Variants in EVC observed in about 807,000 individuals in gnomAD.
EVC encodes evC complex member EVC.
Under a neutral mutation model 118.9 loss-of-function variants are expected in EVC, and 116 were observed. The observed-to-expected ratio is 0.98, with a 90% CI of 0.84 to 1.14. The LOEUF (loss-of-function observed/expected upper bound fraction) is 1.14. EVC is among the 50% of genes most tolerant of loss of function. The pLI, the probability that EVC is intolerant of heterozygous loss-of-function variation, is 0.00. For synonymous variants in EVC, 619 were observed against 534.7 expected (o/e 1.16, Z -2.18); for missense variants, 1,401 against 1,246.4 (o/e 1.12, Z -1.87).
downstream of EVC, among the ~76,000 whole-genome samples, chr4:5,816,658 T>TC (rs1163228903): frequency 1.4e-4 from 16 of 110,566 alleles, no homozygotes; most frequent in African/African-American, 5.1e-4. Flanking sequence ...CTTCCCTCCC[T>TC]CCTTCCCCTC....
intron 8 of EVC, among the ~76,000 whole-genome samples, chr4:5,751,367 G>A (rs562007107): frequency 6.6e-6 from 1 of 152,066 alleles, no homozygotes; most frequent in African/African-American, 2.4e-5. Flanking sequence ...TAAGCACATC[G>A]ATTGCACCAC....
chr4:5,827,673 CACGT>C, the EVC span, among the ~76,000 whole-genome samples: 14 of 151,984 alleles, frequency 9.2e-5, no homozygotes, highest in African/African-American at 2.9e-4. Context: ...CACACATACA[CACGT>C]GCATGCATGT....
chr4:5,716,175 C>T (rs1723931537), intron 1 of EVC, among the ~76,000 whole-genome samples: 1 of 152,216 alleles, frequency 6.6e-6, no homozygotes, highest in Non-Finnish European at 1.5e-5. Context: ...GCCAGGAGGA[C>T]TAGGCAGCTC....
chr4:5,816,021 C>T (rs895401090), downstream of EVC, among the ~76,000 whole-genome samples: 1 of 152,138 alleles, frequency 6.6e-6, no homozygotes, highest in Non-Finnish European at 1.5e-5. Flanking sequence ...TATTTTCCCC[C>T]CATGGCTTAT....
chr4:5,811,016 A>G lies in EVC; in HGVS notation c.2958A>G (p.Leu986=). The change falls in exon 21 of 21, where the codon CTA becomes CTG. Residue 986 remains leucine, a synonymous_variant. Transcript: ENST00000264956. The part of the protein sequence containing the change: ...AGDSGNSKKM[L]KRRSNL ...ACAGTGGGAACTCAAAGAAGATGCT[A>G]AAGAGAAGAAGCAACTTGTAGTTTA... 6.2e-7 allele frequency: 1 copy of G among 1,612,542 alleles called. No homozygotes were observed. Among genetic ancestry groups the G allele is most frequent in the African/African-American group, 1.3e-5 (1 of 74,986 alleles).
intron 17 of EVC, 66 bp from the exon 18 acceptor site, chr4:5,808,135 C>CAG: frequency 1.9e-6 from 1 of 515,902 alleles, no homozygotes; most frequent in Non-Finnish European, 3.7e-6. Flanking sequence ...TTCCTTCTCC[C>CAG]TCCCTCCCTC....
intron 1 of EVC, among the ~76,000 whole-genome samples, chr4:5,717,046 C>T (rs577264844): frequency 2.6e-5 from 4 of 152,246 alleles, no homozygotes; most frequent in South Asian, 4.1e-4. Flanking sequence ...TTCTTGATTT[C>T]TTTGATGATT....
In EVC at chr4:5,737,933, T is replaced by C. The variant is rs188363975; in HGVS notation, c.703-3783T>C. 2.6e-5 allele frequency among the ~76,000 whole-genome samples: 4 copies of C among 152,358 alleles called. No homozygotes were observed. The highest frequency in any genetic ancestry group is 6.5e-5 in the Admixed American group (1 of 15,310). ...TTCCTAAGGCTCTAACTGCCATACATAGTGATTCCTCTGAAGGATTTGAAC... is the reference window on the plus strand; with the variant it reads ...TTCCTAAGGCTCTAACTGCCATACACAGTGATTCCTCTGAAGGATTTGAAC... On this transcript the variant is annotated intron_variant, in intron 5 of 20. Coordinates refer to ENST00000264956, the MANE Select transcript of EVC (RefSeq NM_153717.3). This position sits in a 1 kb window ranked among gnomAD's most constrained non-coding sequence, Gnocchi z 5.0.
intron 5 of EVC, among the ~76,000 whole-genome samples, chr4:5,740,303 T>C (rs537403656): frequency 3.6e-4 from 55 of 152,052 alleles, no homozygotes; most frequent in African/African-American, 1.3e-3. Flanking sequence ...AAACCTCGTC[T>C]CTACTAAAAA....
chr4:5,714,077 C>T (rs148727869), intron 1 of EVC, among the ~76,000 whole-genome samples: 3 of 152,238 alleles, frequency 2.0e-5, no homozygotes, highest in Non-Finnish European at 4.4e-5. Context: ...CACTTCTGCA[C>T]ATCTGTTCTC....
At chr4:5,777,537 A>T (rs1734884441) in intron 11 of EVC, among the ~76,000 whole-genome samples, 1 of 152,084 alleles carries the variant, frequency 6.6e-6, no homozygotes, top group South Asian at 2.1e-4. Context: ...GCCCCTCCAG[A>T]TGTGTCTTCT....
Position 5,742,730 on chromosome 4 carries a change from C to T in EVC, c.801+916C>T, listed in dbSNP as rs1209353327. 6.6e-6 allele frequency among the ~76,000 whole-genome samples: 1 copy of T among 152,140 alleles called. No individual in the cohort carries two copies. The highest frequency in any genetic ancestry group is 6.5e-5 in the Admixed American group (1 of 15,274). On this transcript the variant is annotated intron_variant, in intron 6 of 20. Coordinates refer to ENST00000264956, the MANE Select transcript of EVC (RefSeq NM_153717.3). This position sits in a 1 kb window ranked among gnomAD's most constrained non-coding sequence, Gnocchi z 5.2. ...ATCACCGCCATCATCATCTTCATTACCACCATAATCATCATCACCATCCTT... is the reference window on the plus strand; with the variant it reads ...ATCACCGCCATCATCATCTTCATTATCACCATAATCATCATCACCATCCTT...
intron 8 of EVC, among the ~76,000 whole-genome samples, chr4:5,751,326 C>A (rs899694): frequency 0.32 from 48,200 of 151,970 alleles, 8,153 homozygotes; most frequent in Admixed American, 0.43. Flanking sequence ...CTTCTCACGC[C>A]ACTCTCTCCA....
At chr4:5,775,198 G>T (rs961635833) in intron 11 of EVC, among the ~76,000 whole-genome samples, 1 of 152,090 alleles carries the variant, frequency 6.6e-6, no homozygotes, top group Non-Finnish European at 1.5e-5. Flanking sequence ...ATTCTCAGAG[G>T]CTAGAAAATA....
At chr4:5,758,058 C>G (rs1305113458) in intron 11 of EVC, 1 of 702,314 alleles carries the variant, frequency 1.4e-6, no homozygotes, top group East Asian at 2.7e-5. Flanking sequence ...GGCCCTAATT[C>G]TAATGGCTGG....
chr4:5,773,124 A>G (rs1734235855), intron 11 of EVC, among the ~76,000 whole-genome samples: 1 of 152,144 alleles, frequency 6.6e-6, no homozygotes, highest in Non-Finnish European at 1.5e-5. Context: ...GTGCCAGGAG[A>G]CATTTGCAAA....
In EVC at chr4:5,743,509, A is replaced by T. The variant is rs1279571947; in HGVS notation, c.801+1695A>T. On this transcript the variant is annotated intron_variant, in intron 6 of 20. Transcript: ENST00000264956. The surrounding 1 kb of genome is among the most constrained non-coding windows in gnomAD (Gnocchi z 4.7). ...CATCATCACCATCTTCATCAGCACCACCATCACCACCTTTATCATCTTTCC... is the reference window on the plus strand; with the variant it reads ...CATCATCACCATCTTCATCAGCACCTCCATCACCACCTTTATCATCTTTCC... Among the ~76,000 whole-genome samples, 1 of 152,114 alleles carries T rather than the reference A, an allele frequency of 6.6e-6. No individual in the cohort carries two copies. The highest frequency in any genetic ancestry group is 1.5e-5 in the Non-Finnish European group (1 of 68,018).
the EVC span, among the ~76,000 whole-genome samples, chr4:5,823,784 G>A: frequency 8.0e-5 from 12 of 150,772 alleles, no homozygotes; most frequent in African/African-American, 1.7e-4. Flanking sequence ...CTGCAGAGCC[G>A]TGAGCCAAGT....
intron 11 of EVC, among the ~76,000 whole-genome samples, chr4:5,776,776 A>G (rs1170194577): frequency 6.6e-6 from 1 of 152,096 alleles, no homozygotes; most frequent in Non-Finnish European, 1.5e-5. Context: ...CTGCACCTAA[A>G]CTGCTATTAA....
Sources: gnomAD v4.1 joint callset for allele counts (sites outside exome capture counted in the v4.1 genomes callset) on GRCh38, gnomAD v4.1.1 for gene constraint, Gnocchi (gnomAD v3.1) non-coding constraint, MANE v1.5 for transcripts, NCBI Gene and HGNC (gene_info 2026-07-23, HGNC 2026-07-21) for gene names.